The following GRIP1 variants were observed in gnomAD, a reference collection of about 807,000 sequenced individuals.
The protein encoded by GRIP1 is glutamate receptor interacting protein 1.
Under a neutral mutation model 129.9 loss-of-function variants are expected in GRIP1, and 45 were observed. That is an observed-to-expected ratio of 0.35 (90% CI 0.27 to 0.44). GRIP1 has a LOEUF of 0.44. Among genes scored for constraint, GRIP1 ranks in the 20% least tolerant of loss-of-function variants. The pLI is 1.00. For missense variants in GRIP1, 1,196 were observed against 1,396.8 expected (o/e 0.86, Z 2.29); for synonymous variants, 530 against 520.8 (o/e 1.02, Z -0.24).
intron 24 of GRIP1, among the ~76,000 whole-genome samples, chr12:66,351,805 C>T (rs975014456): frequency 6.6e-6 from 1 of 152,256 alleles, no homozygotes; most frequent in South Asian, 2.1e-4. Context: ...TGGCTGCTCA[C>T]TGGAATCACT....
intron 1 of GRIP1, among the ~76,000 whole-genome samples, chr12:66,937,093 A>C (rs533725327): frequency 1.3e-5 from 2 of 152,328 alleles, no homozygotes; most frequent in South Asian, 4.1e-4. Context: ...AAAAGCTTGA[A>C]GGTAGATTTG....
intron 4 of GRIP1, 40 bp from the exon 5 acceptor site, chr12:66,529,954 T>C: frequency 8.4e-7 from 1 of 1,188,496 alleles, no homozygotes; most frequent in Non-Finnish European, 1.3e-6. Flanking sequence ...AACTTGTAAG[T>C]CATCATAACA....
At chr12:66,982,203 T>C (rs995762782) in intron 1 of GRIP1, among the ~76,000 whole-genome samples, 1 of 152,232 alleles carries the variant, frequency 6.6e-6, no homozygotes, top group African/African-American at 2.4e-5. Context: ...CTTTGTACTC[T>C]GCATTCACTC....
chr12:66,574,977 G>A (rs577670094), intron 2 of GRIP1, among the ~76,000 whole-genome samples: 2 of 151,404 alleles, frequency 1.3e-5, no homozygotes, highest in South Asian at 4.2e-4. Flanking sequence ...TCACCATGTT[G>A]GCCAGGATCA....
At chr12:66,956,733 G>T (rs1167196102) in intron 1 of GRIP1, among the ~76,000 whole-genome samples, 1 of 152,080 alleles carries the variant, frequency 6.6e-6, no homozygotes, top group African/African-American at 2.4e-5. Context: ...CTTTTACTAG[G>T]GAATGGTATT....
chr12:66,577,027 C>T (rs1249667371), intron 2 of GRIP1, among the ~76,000 whole-genome samples: 1 of 152,166 alleles, frequency 6.6e-6, no homozygotes, highest in Non-Finnish European at 1.5e-5. Flanking sequence ...AGCAGCGTGG[C>T]AAAGTGTCTA....
rs71096098 is a variant in GRIP1 at position 66,401,598 on chromosome 12, G to GTGTATATATATATATATATA, written c.1984+4684_1984+4685insTATATATATATATATATACA. Reference sequence around the variant, plus strand: ...CCGTCTCAAAAAAAAAAATATGTGTGTATATATATATACACACACACACAC... The same window carrying GTGTATATATATATATATATA: ...CCGTCTCAAAAAAAAAAATATGTGTGTGTATATATATATATATATATATATATATATACACACACACACAC... On this transcript the variant is annotated intron_variant, in intron 16 of 24. Coordinates refer to ENST00000359742, the MANE Select transcript of GRIP1 (RefSeq NM_001366722.1). Among the ~76,000 whole-genome samples, 123 of 66,252 alleles carry GTGTATATATATATATATATA rather than the reference G, an allele frequency of 1.9e-3. 5 individuals are homozygous for GTGTATATATATATATATATA. The highest frequency in any genetic ancestry group is 0.014 in the East Asian group (24 of 1,776). 43.5% of individuals were successfully genotyped at this position (66,252 alleles called of 152,430 possible). A position where few individuals can be genotyped will look rare whatever the true frequency, so the allele number is the denominator to read the frequency against.
chr12:66,813,015 T>C (rs1481733787), intron 1 of GRIP1, among the ~76,000 whole-genome samples: 1 of 151,458 alleles, frequency 6.6e-6, no homozygotes, highest in African/African-American at 2.5e-5. Flanking sequence ...CTCATGGAGC[T>C]ATATTATAGA....
chr12:66,965,355 A>G (rs1406682893), intron 1 of GRIP1, among the ~76,000 whole-genome samples: 1 of 152,114 alleles, frequency 6.6e-6, no homozygotes, highest in East Asian at 1.9e-4. Flanking sequence ...GTTTTAGGAC[A>G]TTTTCTAAAA....
chr12:66,684,113 G>T (rs185806603), upstream of GRIP1, among the ~76,000 whole-genome samples: 24 of 152,294 alleles, frequency 1.6e-4, no homozygotes, highest in Admixed American at 1.6e-3. Context: ...TGTGTAACGT[G>T]CCTAGAACAG....
chr12:66,809,245 C>G (rs1366713639), intron 1 of GRIP1, among the ~76,000 whole-genome samples: 1 of 152,204 alleles, frequency 6.6e-6, no homozygotes, highest in East Asian at 1.9e-4. Context: ...AATGGACCAG[C>G]TATTGAGATT....
intron 1 of GRIP1, among the ~76,000 whole-genome samples, chr12:66,818,156 C>T (rs2039257357): frequency 6.6e-6 from 1 of 152,166 alleles, no homozygotes; most frequent in Admixed American, 6.5e-5. Flanking sequence ...TATCTTGACA[C>T]ATCATGCATT....
At chr12:66,706,977 CT>C (rs71069015) in intron 1 of GRIP1, among the ~76,000 whole-genome samples, 61,220 of 148,168 alleles carry the variant, frequency 0.41, 12,632 homozygotes, top group South Asian at 0.52. Flanking sequence ...CCATGTATCC[CT>C]TTTTTTTTTT....
intron 7 of GRIP1, among the ~76,000 whole-genome samples, chr12:66,488,750 A>G (rs2060025481): frequency 6.6e-6 from 1 of 152,124 alleles, no homozygotes; most frequent in African/African-American, 2.4e-5. Context: ...AAAAGAGAGA[A>G]GAATCAAGTA....
rs576745732 is a variant in GRIP1, at chr12:66,632,751, T to C, written c.56-35824A>G. ...TTAAAATACATACAATTTTGAGGGA[T>C]TTCAAGATTCTTAGAAACTCATACT... is the stretch of plus-strand genomic sequence containing the variant. On this transcript the variant is annotated intron_variant, in intron 1 of 24. Transcript: ENST00000359742. Among the ~76,000 whole-genome samples the C allele has an allele frequency of 7.9e-5, 12 of 152,290 alleles. No homozygotes were observed. In the South Asian group the frequency reaches 2.5e-3, roughly 32 times the overall value.
rs761922066 is a variant in GRIP1, at chr12:66,394,198, C to T, written c.2129+10G>A. The stretch of plus-strand genomic sequence containing the variant: ...ACACAGGTAATTATAACAGTTACTT[C>T]AAATTTTACCTTTCAGCTAATCCCC... On this transcript the variant is annotated intron_variant, in intron 17 of 24. Coordinates refer to ENST00000359742, the MANE Select transcript of GRIP1 (RefSeq NM_001366722.1). The T allele has an allele frequency of 3.1e-6, 5 of 1,612,916 alleles. No individual in the cohort carries two copies. The South Asian group carries it at 5.5e-5, about 18-fold the overall frequency.
At chr12:67,046,028 C>G (rs1273262654) in intron 1 of GRIP1, among the ~76,000 whole-genome samples, 1 of 152,104 alleles carries the variant, frequency 6.6e-6, no homozygotes, top group African/African-American at 2.4e-5. Flanking sequence ...ATCAAAGTAG[C>G]GAGATGAGAC....
upstream of GRIP1, among the ~76,000 whole-genome samples, chr12:66,683,485 G>A (rs1411096204): frequency 6.6e-6 from 1 of 152,108 alleles, no homozygotes; most frequent in African/African-American, 2.4e-5. Flanking sequence ...GAATTTATCA[G>A]GCATTTTTTA....
At chr12:66,740,779 G>A (rs1448861289) in intron 1 of GRIP1, among the ~76,000 whole-genome samples, 9 of 151,776 alleles carry the variant, frequency 5.9e-5, no homozygotes, top group Non-Finnish European at 8.8e-5. Flanking sequence ...TTATTTAAAC[G>A]TTATATTTGA....
Sources: gnomAD v4.1 joint callset for allele counts (sites outside exome capture counted in the v4.1 genomes callset) on GRCh38, gnomAD v4.1.1 for gene constraint, MANE v1.5 for transcripts, NCBI Gene and HGNC (gene_info 2026-07-23, HGNC 2026-07-21) for gene names.